Variants in DNM3 observed in about 807,000 individuals in gnomAD.
DNM3 encodes the protein dynamin-3.
Under a neutral mutation model 101.6 loss-of-function variants are expected in DNM3, and 47 were observed. The ratio of observed to expected loss-of-function variants is 0.46; its 90% CI spans 0.37 to 0.59. DNM3 has a LOEUF of 0.59. Ranked by LOEUF, DNM3 falls within the 20% of genes least tolerant of loss-of-function variation. DNM3 has a pLI of 0.00. For missense variants in DNM3, 849 were observed against 1,085.7 expected, an observed-to-expected ratio of 0.78 and a Z score of 3.06; for synonymous variants, 385 against 387.9, an observed-to-expected ratio of 0.99 and a Z score of 0.09.
chr1:172,104,661 A>G (rs2054885530), intron 13 of DNM3, among the ~76,000 whole-genome samples: 1 of 152,162 alleles, frequency 6.6e-6, no homozygotes, highest in Non-Finnish European at 1.5e-5. Flanking sequence ...AAAATGTTTG[A>G]TAGTAATGTT....
intron 4 of DNM3, among the ~76,000 whole-genome samples, chr1:172,022,670 G>A (rs2047928616): frequency 1.3e-5 from 2 of 151,830 alleles, no homozygotes; most frequent in Non-Finnish European, 2.9e-5. Context: ...GATTTCCAGA[G>A]GCTACCACTT....
intron 1 of DNM3, among the ~76,000 whole-genome samples, chr1:171,871,809 T>G (rs575655494): frequency 1.3e-5 from 2 of 152,172 alleles, no homozygotes; most frequent in African/African-American, 4.8e-5. Context: ...TTGGTTACTA[T>G]ATAAGTTACA....
At chr1:172,081,986 C>T in intron 12 of DNM3, 84 bp downstream of exon 12, 2 of 1,376,324 alleles carry the variant, frequency 1.5e-6, no homozygotes, top group Non-Finnish European at 2.1e-6. Context: ...TACAGTTTCA[C>T]CACCTTTGAG....
chr1:172,323,350 T>C lies in DNM3; in HGVS notation c.1893+10T>C. On this transcript the variant is annotated intron_variant, in intron 17 of 20. Coordinates refer to ENST00000627582, the MANE Select transcript of DNM3 (RefSeq NM_015569.5). The stretch of plus-strand genomic sequence containing the variant: ...ATAGGGGAACAACAAAGTAAGTTAT[T>C]TGTCCTCTTGCAGCTCTTCTGTCCC... 6.2e-7 allele frequency: 1 copy of C among 1,606,584 alleles called. No homozygotes were observed. The highest frequency in any genetic ancestry group is 8.5e-7 in the Non-Finnish European group (1 of 1,176,322).
chr1:171,866,648 A>G (rs1403996348), intron 1 of DNM3, among the ~76,000 whole-genome samples: 1 of 152,056 alleles, frequency 6.6e-6, no homozygotes, highest in Non-Finnish European at 1.5e-5. Context: ...CCTAATTTTC[A>G]AGTTTAAATT....
intron 15 of DNM3, among the ~76,000 whole-genome samples, chr1:172,292,872 A>G (rs2063988511): frequency 6.6e-6 from 1 of 152,230 alleles, no homozygotes; most frequent in East Asian, 1.9e-4. Context: ...TTAACATATG[A>G]AAAAAAGTTT....
intron 4 of DNM3, among the ~76,000 whole-genome samples, chr1:172,004,738 A>C (rs1412747339): frequency 6.6e-6 from 1 of 151,910 alleles, no homozygotes; most frequent in Non-Finnish European, 1.5e-5. Context: ...AGCATGGGAG[A>C]ATATACAGTC....
At position 172,253,583 on chromosome 1, in the gene DNM3, A is replaced by G. The variant is rs2062275541; in HGVS notation, c.1670A>G (p.Lys557Arg). 6.3e-7 allele frequency: 1 copy of G among 1,575,538 alleles called. No homozygotes were observed. Among genetic ancestry groups the G allele is most frequent in the Admixed American group, 1.8e-5 (1 of 54,578 alleles). Reference protein sequence around the residue: ...SWYKDDEEKEKKYMLPLDNLK... With the variant: ...SWYKDDEEKERKYMLPLDNLK... ...TCTCTCTTATAATAGGAAAAAGAAA[A>G]GAAGTACATGCTTCCCTTGGACAAC... Residue 557 changes from lysine (K) to arginine (R), a missense_variant, in exon 15 of 21, where the codon AAG becomes AGG. Lys to Arg is a conservative substitution (Grantham distance 26). Transcript: ENST00000627582.
chr1:172,206,571 A>C (rs115600924), intron 14 of DNM3, among the ~76,000 whole-genome samples: 2,181 of 152,170 alleles, frequency 0.014, 51 homozygotes, highest in African/African-American at 0.049. Context: ...GAAGAACACC[A>C]CTGCAGGTAC....
intron 16 of DNM3, among the ~76,000 whole-genome samples, chr1:172,312,957 A>G (rs942485459): frequency 6.6e-6 from 1 of 152,194 alleles, no homozygotes; most frequent in Non-Finnish European, 1.5e-5. Flanking sequence ...TGGCTCTAAA[A>G]TGGAAAGGAG....
intron 2 of DNM3, among the ~76,000 whole-genome samples, chr1:171,982,660 GTT>G (rs2044892875): frequency 1.4e-5 from 1 of 71,868 alleles, no homozygotes; most frequent in Non-Finnish European, 3.1e-5. Context: ...GCATGTGTGT[GTT>G]TGTGTGTGTG....
chr1:171,865,917 C>T (rs1449447718), intron 1 of DNM3, among the ~76,000 whole-genome samples: 1 of 152,134 alleles, frequency 6.6e-6, no homozygotes, highest in Non-Finnish European at 1.5e-5. Flanking sequence ...AATGTAAATA[C>T]TCATACTTTT....
chr1:172,122,984 C>T (rs1390576013), intron 13 of DNM3, among the ~76,000 whole-genome samples: 3 of 152,026 alleles, frequency 2.0e-5, no homozygotes, highest in East Asian at 3.9e-4. Flanking sequence ...TGCTTGGCAC[C>T]GAGTAATATT....
intron 15 of DNM3, among the ~76,000 whole-genome samples, chr1:172,304,681 G>A (rs1388923627): frequency 6.6e-6 from 1 of 152,110 alleles, no homozygotes; most frequent in Non-Finnish European, 1.5e-5. Context: ...ACAACAAACT[G>A]TCTCTCAGAC....
intron 14 of DNM3, among the ~76,000 whole-genome samples, chr1:172,233,337 C>A (rs930387731): frequency 1.4e-4 from 22 of 152,004 alleles, no homozygotes; most frequent in Admixed American, 5.2e-4. Context: ...AAGACTAAAC[C>A]AGGAAGAAGT....
intron 14 of DNM3, among the ~76,000 whole-genome samples, chr1:172,222,703 T>C (rs114480965): frequency 1.7e-3 from 256 of 152,262 alleles, no homozygotes; most frequent in African/African-American, 5.7e-3. Context: ...TGTTGAATTT[T>C]ATTATTGACA....
chr1:172,337,845 ATTTTATTTTATTTTATTTTAT>A (rs2066496361), intron 17 of DNM3, among the ~76,000 whole-genome samples: 1 of 145,362 alleles, frequency 6.9e-6, no homozygotes, highest in Non-Finnish European at 1.5e-5. Flanking sequence ...TATTCATTTT[ATTTTATTTTATTTTATTTTAT>A]TTTTATTTTA....
chr1:172,295,325 T>C (rs897295766), intron 15 of DNM3, among the ~76,000 whole-genome samples: 1 of 152,186 alleles, frequency 6.6e-6, no homozygotes, highest in African/African-American at 2.4e-5. Flanking sequence ...TAAATATTTA[T>C]TCAAGATAAA....
intron 1 of DNM3, among the ~76,000 whole-genome samples, chr1:171,894,868 G>A (rs1204366217): frequency 1.3e-5 from 2 of 152,118 alleles, no homozygotes; most frequent in Non-Finnish European, 2.9e-5. Context: ...ATAGTTTTCT[G>A]AGAATGATGG....
Sources: allele counts gnomAD v4.1 joint callset (sites outside exome capture counted in the v4.1 genomes callset), GRCh38; gene constraint gnomAD v4.1.1; transcripts MANE v1.5; gene names NCBI Gene and HGNC (gene_info 2026-07-23, HGNC 2026-07-21).